CFHR4: variants seen among roughly 807,000 people sequenced by gnomAD.
CFHR4 encodes the protein complement factor H related 4.
CFHR4 carries 64 observed loss-of-function variants against 69.3 expected under a neutral mutation model. The observed-to-expected ratio is 0.92, with a 90% CI of 0.76 to 1.14. CFHR4 has a LOEUF of 1.14. Ranked by LOEUF, CFHR4 falls within the 50% of genes most tolerant of loss-of-function variation. The probability of loss-of-function intolerance (pLI) is 0.00; values close to 1 mark genes in which losing one functional copy is unlikely to be tolerated. For synonymous variants in CFHR4, 244 were observed against 237.0 expected (o/e 1.03, Z -0.27); for missense variants, 636 against 684.9 (o/e 0.93, Z 0.80).
At chr1:196,903,045 C>G (rs7416336) in intron 2 of CFHR4, among the ~76,000 whole-genome samples, 19,552 of 150,936 alleles carry the variant, frequency 0.13, 1,741 homozygotes, top group Middle Eastern at 0.31. Context: ...GTCCTTAGGA[C>G]AATGTATTTT....
chr1:196,901,982 T>C (rs1338987143), intron 1 of CFHR4, among the ~76,000 whole-genome samples: 3 of 151,556 alleles, frequency 2.0e-5, no homozygotes, highest in Non-Finnish European at 4.4e-5. Flanking sequence ...TGTTTCTCTG[T>C]AGTTTTTACA....
chr1:196,907,171 T>C (rs1369976427), intron 4 of CFHR4, 134 bp downstream of exon 4: 39 of 1,203,274 alleles, frequency 3.2e-5, no homozygotes, highest in Non-Finnish European at 4.5e-5. Flanking sequence ...GTGAATTACC[T>C]TGAAACTTAA....
At chr1:196,899,119 C>T (rs1407888450) in intron 1 of CFHR4, among the ~76,000 whole-genome samples, 1 of 151,146 alleles carries the variant, frequency 6.6e-6, no homozygotes, top group Non-Finnish European at 1.5e-5. Flanking sequence ...TTTCCACAAT[C>T]ATCAAATGTA....
At chr1:196,911,156 T>G (rs1002054155) in intron 6 of CFHR4, among the ~76,000 whole-genome samples, 1 of 151,628 alleles carries the variant, frequency 6.6e-6, no homozygotes, top group Non-Finnish European at 1.5e-5. Context: ...CTGGAAAATT[T>G]TGTATATCAA....
intron 1 of CFHR4, among the ~76,000 whole-genome samples, chr1:196,894,889 A>AACAACAAC (rs111627820): frequency 0.14 from 21,120 of 149,034 alleles, 1,874 homozygotes; most frequent in Middle Eastern, 0.3. Flanking sequence ...CTGTCTCTAA[A>AACAACAAC]AACAACAACA....
rs1448741333 is a variant in CFHR4 at position 196,902,449 on chromosome 1, A to G, written c.90A>G (p.Gln30=). ...AACCTTGTGATTTTCCAGAAATTCA[A>G]CATGGAGGTCTATATTATAAGAGTT... The part of the protein sequence containing the change: ...EVKPCDFPEI[Q]HGGLYYKSLR... Residue 30 remains glutamine (Q), a synonymous_variant, in exon 2 of 10, where the codon CAA becomes CAG. Coordinates refer to ENST00000608469, the MANE Select transcript of CFHR4 (RefSeq NM_001201550.3). 2 of 1,610,010 alleles carry G rather than the reference A, an allele frequency of 1.2e-6. No homozygotes were observed. The highest frequency in any genetic ancestry group is 2.2e-5 in the East Asian group (1 of 44,800).
intron 6 of CFHR4, 148 bp from the exon 7 acceptor site, chr1:196,912,592 G>T (rs548992029): frequency 6.7e-6 from 6 of 901,708 alleles, no homozygotes; most frequent in Non-Finnish European, 9.3e-6. Flanking sequence ...TAAGAACACG[G>T]ATGTCTAGGA....
intron 1 of CFHR4, among the ~76,000 whole-genome samples, chr1:196,894,690 T>C (rs1657197173): frequency 6.6e-6 from 1 of 151,438 alleles, no homozygotes; most frequent in Non-Finnish European, 1.5e-5. Context: ...GACTAAGAAA[T>C]ACTTACCTGT....
Position 196,910,497 on chromosome 1 carries a change from A to C in CFHR4, c.997+19A>C, listed in dbSNP as rs1403061697. 1 of 1,590,356 alleles carries C rather than the reference A, an allele frequency of 6.3e-7. No individual in the cohort carries two copies. Among genetic ancestry groups the C allele is most frequent in the Admixed American group, 1.7e-5 (1 of 59,660 alleles). ...TGCCTCAGTAAGCAAACCTCTTTAC[A>C]ACAATATGTGCATAAAACTTGCAAA... On this transcript the variant is annotated intron_variant, in intron 6 of 9. Coordinates refer to ENST00000608469, the MANE Select transcript of CFHR4 (RefSeq NM_001201550.3).
At position 196,888,129 on chromosome 1, in the gene CFHR4, T is replaced by C. The variant is rs1398686237; in HGVS notation, c.-22T>C. 3 of 1,608,162 alleles carry C rather than the reference T, an allele frequency of 1.9e-6. No homozygotes were observed. The highest frequency in any genetic ancestry group is 2.7e-5 in the African/African-American group (2 of 74,072). On this transcript the variant is annotated 5_prime_UTR_variant, in exon 1 of 10. Coordinates refer to ENST00000608469, the MANE Select transcript of CFHR4 (RefSeq NM_001201550.3). ...AGTGCAACTGAAACTTTTGCATTACTATACTACTGAGAATATCTAACATGT... is the reference window on the plus strand; with the variant it reads ...AGTGCAACTGAAACTTTTGCATTACCATACTACTGAGAATATCTAACATGT...
intron 5 of CFHR4, 75 bp from the exon 6 acceptor site, chr1:196,910,206 C>T: frequency 1.4e-6 from 1 of 729,638 alleles, no homozygotes; most frequent in Non-Finnish European, 2.0e-6. Flanking sequence ...GTAACATAAT[C>T]AAAACAGTCA....
intron 9 of CFHR4, among the ~76,000 whole-genome samples, chr1:196,916,959 T>G (rs978223468): frequency 6.6e-6 from 1 of 151,536 alleles, no homozygotes; most frequent in South Asian, 2.1e-4. Flanking sequence ...TGAGGAAAAC[T>G]TTCCCAGGCA....
intron 4 of CFHR4, 127 bp from the exon 5 acceptor site, chr1:196,907,189 G>T (rs1435456421): frequency 5.9e-6 from 7 of 1,194,454 alleles, no homozygotes; most frequent in Non-Finnish European, 7.1e-6. Context: ...TAAAAAAAAA[G>T]GTTGAAAATA....
chr1:196,906,957 G>A lies in CFHR4; in HGVS notation c.536G>A (p.Gly179Glu), dbSNP rs1490905591. Residue 179 changes from glycine to glutamate, a missense_variant, in exon 4 of 10, where the codon GGA (glycine) becomes GAA (glutamate). Around this residue, in one of 3 missense-constraint regions of CFHR4, gnomAD observed 529 missense variants for 533.2 expected, o/e 0.99. Coordinates refer to ENST00000608469, the MANE Select transcript of CFHR4 (RefSeq NM_001201550.3). ...ACATTGGACTATGAATGCTATGATG[G>A]ATATGAAAGCAGTTATGGAAACACC... ...HDTLDYECYD[G>E]YESSYGNTTD... 1 of 1,612,612 alleles carries A rather than the reference G, an allele frequency of 6.2e-7. No homozygotes were observed. The highest frequency in any genetic ancestry group is 8.5e-7 in the Non-Finnish European group (1 of 1,179,486).
At chr1:196,898,581 G>C (rs1359479940) in intron 1 of CFHR4, among the ~76,000 whole-genome samples, 1 of 151,422 alleles carries the variant, frequency 6.6e-6, no homozygotes, top group Non-Finnish European at 1.5e-5. Flanking sequence ...TAATACACTG[G>C]GTGAGACTAG....
chr1:196,914,601 C>T lies in CFHR4; in HGVS notation c.1287C>T (p.Ile429=), dbSNP rs1658473084. 1.2e-6 allele frequency: 2 copies of T among 1,611,704 alleles called. No homozygotes were observed. The highest frequency in any genetic ancestry group is 1.7e-6 in the Non-Finnish European group (2 of 1,179,106). The part of the protein sequence containing the change: ...LDYECYDGYE[I]SYGNTTGSIV... ...ACGAATGCTACGATGGATATGAAAT[C>T]AGTTATGGAAACACCACAGGTTCCA... Residue 429 remains isoleucine (I), a synonymous_variant, in exon 8 of 10, where the codon ATC becomes ATT. Transcript: ENST00000608469.
In CFHR4 at chr1:196,897,071, C is replaced by T. The variant is rs142976394; in HGVS notation, c.59-5347C>T. 4.0e-5 allele frequency among the ~76,000 whole-genome samples: 6 copies of T among 151,510 alleles called. No homozygotes were observed. The East Asian group carries it at 1.2e-3, about 29-fold the overall frequency. On this transcript the variant is annotated intron_variant, in intron 1 of 9. Coordinates refer to ENST00000608469, the MANE Select transcript of CFHR4 (RefSeq NM_001201550.3). ...GTCGTTCTGAGAAGAAAAGGCAGGG[C>T]TCTGAATTCCGATGGAAGGGAACAG...
chr1:196,913,003 T>A, intron 7 of CFHR4, 81 bp downstream of exon 7: 1 of 1,598,336 alleles, frequency 6.3e-7, no homozygotes, highest in South Asian at 1.1e-5. Context: ...CTTAAAAATA[T>A]AGAAAACACT....
chr1:196,900,650 G>A (rs985114414), intron 1 of CFHR4, among the ~76,000 whole-genome samples: 6 of 151,340 alleles, frequency 4.0e-5, no homozygotes, highest in African/African-American at 1.5e-4. Flanking sequence ...AAAGACTCAA[G>A]CTTGTCCAAG....
Sources: gnomAD v4.1 joint callset for allele counts (sites outside exome capture counted in the v4.1 genomes callset) on GRCh38, gnomAD v4.1.1 for gene constraint, gnomAD v4.1.1 regional missense constraint, MANE v1.5 for transcripts, NCBI Gene and HGNC (gene_info 2026-07-23, HGNC 2026-07-21) for gene names.